Variants in INPP1 observed in about 807,000 individuals in gnomAD.
The protein encoded by INPP1 is inositol polyphosphate-1-phosphatase, also known as inositol polyphosphate 1-phosphatase.
A neutral mutation model predicts 23.0 loss-of-function variants in INPP1; 18 were observed. The observed-to-expected ratio is 0.78, with a 90% CI of 0.54 to 1.16. The LOEUF (loss-of-function observed/expected upper bound fraction) is 1.16, where lower values mean the gene tolerates loss of function less well. INPP1 is among the 50% of genes most tolerant of loss of function. The pLI, the probability that INPP1 is intolerant of heterozygous loss-of-function variation, is 0.00. For synonymous variants in INPP1, 164 were observed against 176.3 expected, an observed-to-expected ratio of 0.93 and a Z score of 0.55; for missense variants, 448 against 482.1, an observed-to-expected ratio of 0.93 and a Z score of 0.66.
In INPP1 at chr2:190,363,657, C is replaced by T. The variant is rs193290039; in HGVS notation, c.265+970C>T. 3.9e-5 allele frequency among the ~76,000 whole-genome samples: 6 copies of T among 152,104 alleles called. No homozygotes were observed. The East Asian group carries it at 1.2e-3, about 29-fold the overall frequency. On this transcript the variant is annotated intron_variant, in intron 4 of 6. Coordinates refer to ENST00000392329, the MANE Select transcript of INPP1 (RefSeq NM_001128928.2). The surrounding 1 kb of genome is among the most constrained non-coding windows in gnomAD (Gnocchi z 4.4). The stretch of plus-strand genomic sequence containing the variant: ...AAATTTTTTAGTCTCCTTCATGCAC[C>T]ACATATTAAGATGCAGTTAGTTCTA...
intron 2 of INPP1, among the ~76,000 whole-genome samples, chr2:190,359,168 C>T (rs1376575309): frequency 1.3e-5 from 2 of 152,066 alleles, no homozygotes; most frequent in African/African-American, 4.8e-5. Context: ...GGCGTGGTGG[C>T]ATGCATCTGT....
chr2:190,349,672 C>T (rs955001699), intron 2 of INPP1, among the ~76,000 whole-genome samples: 9 of 152,008 alleles, frequency 5.9e-5, no homozygotes, highest in South Asian at 2.1e-4. Context: ...TCATTTGTGG[C>T]AACAGGGTTC....
chr2:190,359,563 A>C (rs1055466835), intron 2 of INPP1: 3 of 143,800 alleles, frequency 2.1e-5, no homozygotes, highest in African/African-American at 8.7e-5. Flanking sequence ...TCTCAAAAAA[A>C]AAAAAAAAAG....
At chr2:190,361,514 T>TAAAAAAGAAAA (rs1689533469) in intron 3 of INPP1, among the ~76,000 whole-genome samples, 2 of 152,244 alleles carry the variant, frequency 1.3e-5, no homozygotes, top group Non-Finnish European at 2.9e-5. Flanking sequence ...CTTTTTTACT[T>TAAAAAAGAAAA]ATCAATATAG....
intron 4 of INPP1, among the ~76,000 whole-genome samples, chr2:190,366,149 C>CT (rs1689655954): frequency 1.3e-5 from 2 of 150,438 alleles, no homozygotes; most frequent in Non-Finnish European, 3.0e-5. Context: ...CTCTCTCGCT[C>CT]TTTCGCTGTC....
In INPP1 at chr2:190,363,678, T is replaced by A. The variant is rs970339205; in HGVS notation, c.265+991T>A. Among the ~76,000 whole-genome samples the A allele has an allele frequency of 1.3e-5, 2 of 152,208 alleles. No individual in the cohort carries two copies. Among genetic ancestry groups the A allele is most frequent in the Non-Finnish European group, 2.9e-5 (2 of 68,042 alleles). ...GCACCACATATTAAGATGCAGTTAG[T>A]TCTATGTTAGTAATACGGGAAAGAA... is the stretch of plus-strand genomic sequence containing the variant. On this transcript the variant is annotated intron_variant, in intron 4 of 6. Coordinates refer to ENST00000392329, the MANE Select transcript of INPP1 (RefSeq NM_001128928.2). This position sits in a 1 kb window ranked among gnomAD's most constrained non-coding sequence, Gnocchi z 4.4.
intron 4 of INPP1, among the ~76,000 whole-genome samples, chr2:190,364,319 C>T (rs1408678172): frequency 1.3e-5 from 2 of 151,902 alleles, no homozygotes; most frequent in East Asian, 3.9e-4. Context: ...GCGGGTGGAT[C>T]ACAAGGTCAG....
chr2:190,357,563 A>T (rs1183630852), intron 2 of INPP1, among the ~76,000 whole-genome samples: 1 of 152,210 alleles, frequency 6.6e-6, no homozygotes, highest in Non-Finnish European at 1.5e-5. Flanking sequence ...CTTCAAAAAC[A>T]TGATTTTACC....
chr2:190,358,792 T>C (rs1689475814), intron 2 of INPP1, among the ~76,000 whole-genome samples: 1 of 152,214 alleles, frequency 6.6e-6, no homozygotes, highest in South Asian at 2.1e-4. Context: ...CCAACAGATA[T>C]AATCAAGGTA....
At chr2:190,348,008 C>T (rs576994272) in intron 1 of INPP1, among the ~76,000 whole-genome samples, 2 of 152,216 alleles carry the variant, frequency 1.3e-5, no homozygotes, top group East Asian at 1.9e-4. Flanking sequence ...TGTGGTAGCG[C>T]GTGCCTGTAA....
intron 3 of INPP1, 100 bp downstream of exon 3, chr2:190,360,406 A>G (rs1176080537): frequency 5.7e-6 from 5 of 877,548 alleles, no homozygotes; most frequent in Non-Finnish European, 8.7e-6. Flanking sequence ...CTATCAGTAT[A>G]CTAGCACCTT....
rs149497725 is a variant in INPP1, at chr2:190,355,811, C to T, written c.-64-4228C>T. Among the ~76,000 whole-genome samples the T allele has an allele frequency of 3.0e-3, 455 of 152,190 alleles. 5 individuals are homozygous for T. Among genetic ancestry groups the T allele is most frequent in the African/African-American group, 0.01 (425 of 41,526 alleles). ...TTTTAAAAAATCATCTACTTCATCA[C>T]GCAGTTATCAAGCCTAGTACCCATT... is the stretch of plus-strand genomic sequence containing the variant. On this transcript the variant is annotated intron_variant, in intron 2 of 6. Coordinates refer to ENST00000392329, the MANE Select transcript of INPP1 (RefSeq NM_001128928.2). The surrounding 1 kb of genome is among the most constrained non-coding windows in gnomAD (Gnocchi z 5.1).
In INPP1 at chr2:190,346,539, T is replaced by C. The variant is rs977630320; in HGVS notation, c.-208-2349T>C. Among the ~76,000 whole-genome samples the C allele has an allele frequency of 6.6e-6, 1 of 152,210 alleles. No individual in the cohort carries two copies. The highest frequency in any genetic ancestry group is 2.1e-4 in the South Asian group (1 of 4,830). On this transcript the variant is annotated intron_variant, in intron 1 of 6. Coordinates refer to ENST00000392329, the MANE Select transcript of INPP1 (RefSeq NM_001128928.2). This position sits in a 1 kb window ranked among gnomAD's most constrained non-coding sequence, Gnocchi z 5.1. ...GAATGTGATAAGAGCATTTTATTAA[T>C]GGATGACTAATGCAGATTACTGTAA...
intron 1 of INPP1, among the ~76,000 whole-genome samples, chr2:190,348,163 C>T (rs1476486590): frequency 2.6e-5 from 4 of 151,976 alleles, no homozygotes; most frequent in Non-Finnish European, 5.9e-5. Context: ...CAAAACAAAA[C>T]AAAACACCGG....
At chr2:190,359,391 A>T (rs1689487415) in intron 2 of INPP1, among the ~76,000 whole-genome samples, 1 of 151,912 alleles carries the variant, frequency 6.6e-6, no homozygotes, top group Admixed American at 6.6e-5. Context: ...CCCTGTCTCT[A>T]CTAAAAATAC....
chr2:190,359,756 C>G (rs991530992), intron 2 of INPP1: 4 of 274,902 alleles, frequency 1.5e-5, no homozygotes, highest in African/African-American at 8.8e-5. Flanking sequence ...ATCTGCCTGT[C>G]TCTCTAGGGA....
At chr2:190,350,958 C>A (rs1476434950) in intron 2 of INPP1, among the ~76,000 whole-genome samples, 1 of 152,142 alleles carries the variant, frequency 6.6e-6, no homozygotes, top group Non-Finnish European at 1.5e-5. Flanking sequence ...TAAATGAATA[C>A]AGAATATATG....
In INPP1 at chr2:190,346,766, C is replaced by T. The variant is rs1303355828; in HGVS notation, c.-208-2122C>T. ...TGGGACTACAGGCACGTGCCACCAT[C>T]CCAGCTAATTTTTAAAATTGTAGAG... On this transcript the variant is annotated intron_variant, in intron 1 of 6. Coordinates refer to ENST00000392329, the MANE Select transcript of INPP1 (RefSeq NM_001128928.2). The surrounding 1 kb of genome is among the most constrained non-coding windows in gnomAD (Gnocchi z 5.1). Among the ~76,000 whole-genome samples the T allele has an allele frequency of 6.6e-6, 1 of 151,474 alleles. No homozygotes were observed. Among genetic ancestry groups the T allele is most frequent in the Non-Finnish European group, 1.5e-5 (1 of 67,858 alleles).
rs553940525 is a variant in INPP1, at chr2:190,352,903, G to A, written c.-65+3872G>A. Among the ~76,000 whole-genome samples the A allele has an allele frequency of 1.6e-4, 25 of 152,268 alleles. No individual in the cohort carries two copies. The highest frequency in any genetic ancestry group is 4.8e-4 in the African/African-American group (20 of 41,558). ...AATAGCTGTCAGGCAGGCCCACCAC[G>A]CAATAGCTTCAAATTGCCATTCCTC... On this transcript the variant is annotated intron_variant, in intron 2 of 6. Transcript: ENST00000392329. The surrounding 1 kb of genome is among the most constrained non-coding windows in gnomAD (Gnocchi z 4.7).
Sources: allele counts gnomAD v4.1 joint callset (sites outside exome capture counted in the v4.1 genomes callset), GRCh38; gene constraint gnomAD v4.1.1; non-coding constraint Gnocchi (gnomAD v3.1); transcripts MANE v1.5; gene names NCBI Gene and HGNC (gene_info 2026-07-23, HGNC 2026-07-21).